SLC26A7: variants seen among roughly 807,000 people sequenced by gnomAD.
SLC26A7 encodes the protein solute carrier family 26 member 7, also known as anion exchange transporter.
Under a neutral mutation model 82.5 loss-of-function variants are expected in SLC26A7, and 59 were observed. That is an observed-to-expected ratio of 0.72 (90% CI 0.58 to 0.89). The LOEUF is 0.89. Ranked by LOEUF, SLC26A7 falls within the 40% of genes least tolerant of loss-of-function variation. The pLI is 0.00. For synonymous variants in SLC26A7, 271 were observed against 274.3 expected (o/e 0.99, Z 0.12); for missense variants, 820 against 793.0 (o/e 1.03, Z -0.41).
chr8:91,326,357 T>C (rs1429465355), intron 5 of SLC26A7, among the ~76,000 whole-genome samples: 1 of 152,088 alleles, frequency 6.6e-6, no homozygotes, highest in East Asian at 1.9e-4. Context: ...TCACAATCCA[T>C]GTGCTGACAG....
chr8:91,376,971 G>A (rs1198242253), intron 15 of SLC26A7, among the ~76,000 whole-genome samples: 1 of 152,088 alleles, frequency 6.6e-6, no homozygotes, highest in African/African-American at 2.4e-5. Flanking sequence ...TGTGGATGAA[G>A]CCCTCTGTCC....
chr8:91,307,893 C>G (rs528326027), intron 4 of SLC26A7, among the ~76,000 whole-genome samples: 1 of 151,906 alleles, frequency 6.6e-6, no homozygotes, highest in Non-Finnish European at 1.5e-5. Context: ...GAAATGGGGT[C>G]TCACTATGTT....
intron 14 of SLC26A7, among the ~76,000 whole-genome samples, chr8:91,369,558 C>T (rs574073104): frequency 3.9e-5 from 6 of 152,088 alleles, no homozygotes; most frequent in African/African-American, 1.4e-4. Flanking sequence ...CTAAAGAAGA[C>T]AGTCTGATAA....
Position 91,340,465 on chromosome 8 carries a change from G to C in SLC26A7, c.940G>C (p.Gly314Arg), listed in dbSNP as rs560847740. The change falls in exon 8 of 19, where the codon GGA (glycine) becomes CGA (arginine). Residue 314 changes from glycine to arginine, a missense_variant. Coordinates refer to ENST00000276609, the MANE Select transcript of SLC26A7 (RefSeq NM_052832.4). ...ILSAVITEAF[G>R]VALVGYVASL... ...CTCTGCGGTGATCACTGAAGCTTTC[G>C]GAGTGGCACTTGTAGGCTATGTGGC... 2 of 1,613,834 alleles carry C rather than the reference G, an allele frequency of 1.2e-6. No individual in the cohort carries two copies. The highest frequency in any genetic ancestry group is 4.5e-5 in the East Asian group (2 of 44,852).
chr8:91,262,524 GAAGT>G (rs759661431), intron 2 of SLC26A7, among the ~76,000 whole-genome samples: 1 of 152,094 alleles, frequency 6.6e-6, no homozygotes, highest in Non-Finnish European at 1.5e-5. Context: ...GCTGACAAGA[GAAGT>G]AAGGGAAGAA....
rs1563717442 is a variant in SLC26A7, at chr8:91,393,790, CTT to C, written c.1777-6_1777-5del. On this transcript the variant is annotated splice_polypyrimidine_tract_variant and splice_region_variant and intron_variant, in intron 16 of 18. Transcript: ENST00000276609. ...TAATTGTGGGTATCCTATTTTAATT[CTT>C]CCAGGTTTACATGGACTGTAAAGGC... 1 of 1,613,154 alleles carries C rather than the reference CTT, an allele frequency of 6.2e-7. No homozygotes were observed. The highest frequency in any genetic ancestry group is 8.5e-7 in the Non-Finnish European group (1 of 1,179,300).
At chr8:91,305,466 T>C (rs2130790233) in intron 4 of SLC26A7, among the ~76,000 whole-genome samples, 1 of 152,266 alleles carries the variant, frequency 6.6e-6, no homozygotes, top group East Asian at 1.9e-4. Flanking sequence ...ACTCTACAAC[T>C]CCTTACACTT....
intron 1 of SLC26A7, among the ~76,000 whole-genome samples, chr8:91,213,486 T>C (rs998095608): frequency 3.3e-5 from 5 of 152,224 alleles, no homozygotes; most frequent in African/African-American, 1.2e-4. Flanking sequence ...ATTTAGTCAT[T>C]CCATAAATTT....
Position 91,343,448 on chromosome 8 carries a change from C to T in SLC26A7, c.1122C>T (p.Ser374=). ...AAMGRTAGLY[S]TGAKTQVACL... ...TGGGAAGGACGGCTGGCCTGTACAG[C>T]ACAGGAGCGAAGACACAGGTAACTG... Residue 374 remains serine (S), a synonymous_variant, in exon 9 of 19, where the codon AGC becomes AGT. Transcript: ENST00000276609. 6.2e-7 allele frequency: 1 copy of T among 1,611,766 alleles called. No homozygotes were observed. The highest frequency in any genetic ancestry group is 1.1e-5 in the South Asian group (1 of 91,014).
chr8:91,344,355 A>T, intron 9 of SLC26A7: 1 of 209,092 alleles, frequency 4.8e-6, no homozygotes, highest in Non-Finnish European at 8.3e-6. Flanking sequence ...AAGAAAAATC[A>T]TGTGTATCTT....
intron 2 of SLC26A7, among the ~76,000 whole-genome samples, chr8:91,239,375 CAAAAAA>C (rs1219500630): frequency 9.5e-5 from 8 of 84,156 alleles, no homozygotes; most frequent in African/African-American, 2.1e-4. Flanking sequence ...GACTCCGTCT[CAAAAAA>C]AAAAAAAAAA....
At chr8:91,327,088 A>G (rs1245825853) in intron 5 of SLC26A7, among the ~76,000 whole-genome samples, 1 of 151,770 alleles carries the variant, frequency 6.6e-6, no homozygotes, top group African/African-American at 2.4e-5. Flanking sequence ...AGTCACAGGC[A>G]CTGGAGTTTA....
chr8:91,260,734 G>A (rs1039556416), intron 2 of SLC26A7, among the ~76,000 whole-genome samples: 1 of 152,022 alleles, frequency 6.6e-6, no homozygotes, highest in Non-Finnish European at 1.5e-5. Flanking sequence ...TGGACTTGGG[G>A]TTTCTTGATC....
At chr8:91,361,188 G>C (rs1814040095) in intron 11 of SLC26A7, among the ~76,000 whole-genome samples, 1 of 152,124 alleles carries the variant, frequency 6.6e-6, no homozygotes, top group Non-Finnish European at 1.5e-5. Flanking sequence ...TTTCAAAACA[G>C]TCTGTTAAGA....
At chr8:91,375,872 A>G (rs1359960240) in intron 15 of SLC26A7, among the ~76,000 whole-genome samples, 4 of 152,044 alleles carry the variant, frequency 2.6e-5, no homozygotes, top group Non-Finnish European at 5.9e-5. Flanking sequence ...AGGTATGCCT[A>G]TAAGTTATAG....
chr8:91,231,775 A>ATGTGTGTATG (rs981692077), intron 2 of SLC26A7, among the ~76,000 whole-genome samples: 15 of 151,900 alleles, frequency 9.9e-5, no homozygotes, highest in South Asian at 8.3e-4. Flanking sequence ...CTCTGTGTGT[A>ATGTGTGTATG]TGTGTGTATG....
intron 2 of SLC26A7, among the ~76,000 whole-genome samples, chr8:91,266,531 G>A (rs774291015): frequency 6.6e-6 from 1 of 151,428 alleles, no homozygotes; most frequent in Non-Finnish European, 1.5e-5. Context: ...TCTTTTTTGT[G>A]TAATTCATTT....
At chr8:91,312,382 G>A (rs560881804) in intron 4 of SLC26A7, among the ~76,000 whole-genome samples, 1 of 152,080 alleles carries the variant, frequency 6.6e-6, no homozygotes, top group East Asian at 1.9e-4. Flanking sequence ...ATCCATTATA[G>A]TTACTCTGAA....
At chr8:91,312,239 G>A (rs1812509069) in intron 4 of SLC26A7, among the ~76,000 whole-genome samples, 1 of 151,986 alleles carries the variant, frequency 6.6e-6, no homozygotes, top group Non-Finnish European at 1.5e-5. Context: ...ATTTTATTTA[G>A]CATAATGTCC....
Sources: gnomAD v4.1 joint callset for allele counts (sites outside exome capture counted in the v4.1 genomes callset) on GRCh38, gnomAD v4.1.1 for gene constraint, MANE v1.5 for transcripts, NCBI Gene and HGNC (gene_info 2026-07-23, HGNC 2026-07-21) for gene names.